The following PABPC4L variants were observed in gnomAD, a reference collection of about 807,000 sequenced individuals.
The protein encoded by PABPC4L is polyadenylate-binding protein 4-like.
For missense variants in PABPC4L, 452 were observed against 451.4 expected (o/e 1.00, Z -0.01); for synonymous variants, 169 against 164.1 (o/e 1.03, Z -0.23).
the PABPC4L span, among the ~76,000 whole-genome samples, chr4:133,984,869 T>G: frequency 2.0e-5 from 3 of 151,954 alleles, no homozygotes; most frequent in East Asian, 5.8e-4. Context: ...GAAAAAAAAG[T>G]AGATTTGAGG....
At chr4:134,091,005 T>C in the PABPC4L span, among the ~76,000 whole-genome samples, 1 of 152,068 alleles carries the variant, frequency 6.6e-6, no homozygotes, top group Admixed American at 6.6e-5. Flanking sequence ...TTTTCCATAT[T>C]ACTTTTGGTA....
the PABPC4L span, among the ~76,000 whole-genome samples, chr4:134,105,387 A>G: frequency 6.6e-6 from 1 of 151,744 alleles, no homozygotes; most frequent in Non-Finnish European, 1.5e-5. Context: ...AGTGAAAACT[A>G]TCCTAAAATT....
chr4:134,021,491 G>A, the PABPC4L span, among the ~76,000 whole-genome samples: 1 of 152,110 alleles, frequency 6.6e-6, no homozygotes, highest in Non-Finnish European at 1.5e-5. Flanking sequence ...GAAAGGTCCT[G>A]GGACAGAAAG....
At chr4:134,135,556 G>A in the PABPC4L span, among the ~76,000 whole-genome samples, 8 of 152,060 alleles carry the variant, frequency 5.3e-5, no homozygotes, top group African/African-American at 1.4e-4. Flanking sequence ...AAACACAGCC[G>A]GTATGGTGGC....
the PABPC4L span, among the ~76,000 whole-genome samples, chr4:134,079,521 G>A: frequency 7.0e-6 from 1 of 142,188 alleles, no homozygotes; most frequent in Non-Finnish European, 1.5e-5. Context: ...AGAGCTTGCA[G>A]TGAGCTGAGA....
the PABPC4L span, among the ~76,000 whole-genome samples, chr4:134,186,301 T>G: frequency 2.0e-5 from 3 of 152,116 alleles, no homozygotes; most frequent in Non-Finnish European, 4.4e-5. Context: ...ACTACAAGGC[T>G]ACAGTAACCA....
At chr4:133,997,106 A>G in the PABPC4L span, among the ~76,000 whole-genome samples, 9 of 152,060 alleles carry the variant, frequency 5.9e-5, no homozygotes. Context: ...CCAATCTCCT[A>G]CAATTAAGGC....
chr4:133,982,082 G>T, the PABPC4L span, among the ~76,000 whole-genome samples: 1 of 151,894 alleles, frequency 6.6e-6, no homozygotes, highest in Non-Finnish European at 1.5e-5. Flanking sequence ...AATTAATTTT[G>T]CCTTGCCATC....
the PABPC4L span, among the ~76,000 whole-genome samples, chr4:133,989,927 C>G: frequency 7.9e-5 from 12 of 152,072 alleles, no homozygotes; most frequent in African/African-American, 1.9e-4. Flanking sequence ...ATGGCAGTAG[C>G]AAAGCAGAGC....
the PABPC4L span, among the ~76,000 whole-genome samples, chr4:134,088,360 G>A: frequency 3.5e-4 from 54 of 152,120 alleles, no homozygotes; most frequent in South Asian, 8.1e-3. Context: ...AGCTGGTAGA[G>A]GAAAAGTTTT....
At chr4:133,999,739 A>C in the PABPC4L span, among the ~76,000 whole-genome samples, 1 of 152,046 alleles carries the variant, frequency 6.6e-6, no homozygotes, top group African/African-American at 2.4e-5. Context: ...ACTATGTTTC[A>C]TTAAAATAAT....
At chr4:134,046,388 T>C in the PABPC4L span, among the ~76,000 whole-genome samples, 1 of 152,146 alleles carries the variant, frequency 6.6e-6, no homozygotes, top group Admixed American at 6.6e-5. Flanking sequence ...GCCGCCAGCA[T>C]ATTTCGCCTC....
At chr4:134,019,647 G>T in the PABPC4L span, among the ~76,000 whole-genome samples, 7 of 152,072 alleles carry the variant, frequency 4.6e-5, no homozygotes, top group Non-Finnish European at 7.4e-5. Flanking sequence ...TGTGAAAAAT[G>T]CAAATAGTTT....
the PABPC4L span, among the ~76,000 whole-genome samples, chr4:133,981,433 C>T: frequency 4.2e-4 from 64 of 152,032 alleles, no homozygotes; most frequent in Middle Eastern, 0.01. Context: ...ACATTGAAAA[C>T]AATTCTATTG....
chr4:134,062,594 C>T, the PABPC4L span, among the ~76,000 whole-genome samples: 3 of 151,976 alleles, frequency 2.0e-5, no homozygotes, highest in Admixed American at 2.0e-4. Flanking sequence ...TATCCCATTA[C>T]AATTCAAGAG....
the PABPC4L span, among the ~76,000 whole-genome samples, chr4:134,054,219 AT>A: frequency 1.0e-4 from 13 of 127,226 alleles, no homozygotes; most frequent in African/African-American, 2.9e-4. Context: ...ATATATTTTG[AT>A]TTTTTTTAAA....
At chr4:134,153,664 T>C in the PABPC4L span, among the ~76,000 whole-genome samples, 5 of 97,670 alleles carry the variant, frequency 5.1e-5, no homozygotes, top group Middle Eastern at 4.6e-3. Context: ...TTTTATTTTC[T>C]TAAGATAGAG....
chr4:133,967,473 A>C, the PABPC4L span, among the ~76,000 whole-genome samples: 1 of 152,220 alleles, frequency 6.6e-6, no homozygotes, highest in African/African-American at 2.4e-5. Context: ...CATTTAGTGC[A>C]AAGTGTCTTA....
At chr4:134,032,176 CCATAG>C in the PABPC4L span, among the ~76,000 whole-genome samples, 2 of 151,650 alleles carry the variant, frequency 1.3e-5, no homozygotes, top group African/African-American at 4.8e-5. Flanking sequence ...CTTATTGATA[CCATAG>C]CAAAGGCACA....
Sources: gnomAD v4.1 joint callset for allele counts (sites outside exome capture counted in the v4.1 genomes callset) on GRCh38, gnomAD v4.1.1 for gene constraint, MANE v1.5 for transcripts, NCBI Gene and HGNC (gene_info 2026-07-23, HGNC 2026-07-21) for gene names.